Variants in PCNX2 observed in about 807,000 individuals in gnomAD.
PCNX2 encodes the protein pecanex-like protein 2.
PCNX2 carries 168 observed loss-of-function variants against 223.8 expected under a neutral mutation model. The observed-to-expected ratio is 0.75, with a 90% confidence interval of 0.66 to 0.85. PCNX2 has a LOEUF of 0.85. Ranked by LOEUF, PCNX2 falls within the 40% of genes least tolerant of loss-of-function variation. The pLI is 0.00. For missense variants in PCNX2, 2,507 were observed against 2,675.5 expected, an observed-to-expected ratio of 0.94 and a Z score of 1.39; for synonymous variants, 1,006 against 1,052.6, an observed-to-expected ratio of 0.96 and a Z score of 0.86.
chr1:233,296,002 C>CTTTTT (rs61285792), upstream of PCNX2, among the ~76,000 whole-genome samples: 1 of 134,536 alleles, frequency 7.4e-6, no homozygotes, highest in African/African-American at 2.8e-5. Flanking sequence ...TTCTTTCTTT[C>CTTTTT]TTTTTTTTTT....
At position 233,259,361 on chromosome 1, in the gene PCNX2, C is replaced by T. The variant is rs773705985; in HGVS notation, c.518-17G>A. On this transcript the variant is annotated splice_polypyrimidine_tract_variant and intron_variant, in intron 4 of 33. Transcript: ENST00000258229. Reference sequence around the variant, plus strand: ...GAATGACACCTGAAATGACACATGGCAACTTTATTAGCATCAGAAATGAAT... The same window carrying T: ...GAATGACACCTGAAATGACACATGGTAACTTTATTAGCATCAGAAATGAAT... 2.5e-6 allele frequency: 4 copies of T among 1,585,330 alleles called. No homozygotes were observed. In the South Asian group the frequency reaches 3.4e-5, roughly 14 times the overall value.
At chr1:233,283,616 T>C (rs964508116) in intron 1 of PCNX2, among the ~76,000 whole-genome samples, 2 of 152,044 alleles carry the variant, frequency 1.3e-5, no homozygotes, top group Admixed American at 1.3e-4. Flanking sequence ...ATGATAGGAA[T>C]AGATTATACT....
Position 233,262,207 on chromosome 1 carries a change from T to C in PCNX2, c.360-42A>G. The C allele has an allele frequency of 1.9e-6, 3 of 1,609,904 alleles. No individual in the cohort carries two copies. In the South Asian group the frequency reaches 3.3e-5, roughly 18 times the overall value. On this transcript the variant is annotated intron_variant, in intron 2 of 33. Transcript: ENST00000258229. ...AACACAAGAGCAGTGAGCGATATTA[T>C]CAAACAGAAGCATGACTCTTTTAGT...
At chr1:233,294,976 C>T (rs1417173333) in intron 1 of PCNX2, among the ~76,000 whole-genome samples, 1 of 152,112 alleles carries the variant, frequency 6.6e-6, no homozygotes, top group Non-Finnish European at 1.5e-5. Flanking sequence ...GCATTTCACA[C>T]CAAACATTAT....
At chr1:233,138,236 GA>G (rs910602883) in intron 20 of PCNX2, among the ~76,000 whole-genome samples, 1 of 151,990 alleles carries the variant, frequency 6.6e-6, no homozygotes, top group Non-Finnish European at 1.5e-5. Flanking sequence ...TTAGTGTCTG[GA>G]AAAAAATTAC....
chr1:233,176,887 C>T (rs937576652), intron 17 of PCNX2, among the ~76,000 whole-genome samples: 7 of 152,118 alleles, frequency 4.6e-5, no homozygotes, highest in African/African-American at 1.4e-4. Context: ...TGGTGGCGGG[C>T]ACCTGTAGTC....
chr1:233,041,184 A>G (rs1671632197), intron 25 of PCNX2, among the ~76,000 whole-genome samples: 1 of 151,222 alleles, frequency 6.6e-6, no homozygotes, highest in Admixed American at 6.6e-5. Context: ...CTACATCCAC[A>G]ATGTTGAATG....
intron 23 of PCNX2, chr1:233,086,948 A>G (rs143815243): frequency 1.2e-6 from 1 of 848,320 alleles, no homozygotes; most frequent in East Asian, 1.2e-4. Context: ...TCCTAGAGCT[A>G]TGTGTGGGCA....
intron 21 of PCNX2, among the ~76,000 whole-genome samples, chr1:233,114,856 G>A (rs59268203): frequency 0.13 from 20,316 of 152,090 alleles, 1,463 homozygotes; most frequent in East Asian, 0.21. Context: ...CAGGCACCAC[G>A]GTCTTAGGGA....
At chr1:233,170,327 A>AT (rs921098066) in intron 17 of PCNX2, among the ~76,000 whole-genome samples, 2 of 151,954 alleles carry the variant, frequency 1.3e-5, no homozygotes, top group African/African-American at 2.4e-5. Context: ...AGAACTTTAC[A>AT]TTTTTTTTAG....
At chr1:232,994,348 G>A (rs1439651056) in intron 32 of PCNX2, among the ~76,000 whole-genome samples, 1 of 152,250 alleles carries the variant, frequency 6.6e-6, no homozygotes, top group African/African-American at 2.4e-5. Context: ...TGACCAGCTG[G>A]GTGTTGGACT....
At chr1:233,293,359 A>G (rs566389513) in intron 1 of PCNX2, among the ~76,000 whole-genome samples, 49 of 152,364 alleles carry the variant, frequency 3.2e-4, no homozygotes, top group African/African-American at 1.2e-3. Context: ...TTAATTATAT[A>G]TGAGATCAGT....
At chr1:233,242,399 C>A (rs6424176) in intron 8 of PCNX2, among the ~76,000 whole-genome samples, 9,493 of 152,198 alleles carry the variant, frequency 0.062, 882 homozygotes, top group African/African-American at 0.2. Flanking sequence ...ATTCAGTAGA[C>A]TACCATGCCT....
intron 23 of PCNX2, among the ~76,000 whole-genome samples, chr1:233,071,621 T>G (rs1425413471): frequency 1.3e-5 from 2 of 152,228 alleles, no homozygotes; most frequent in Non-Finnish European, 2.9e-5. Flanking sequence ...CATGCATGTG[T>G]CTTTAGGACA....
In PCNX2 at chr1:233,173,417, C is replaced by G. The variant is rs9887945; in HGVS notation, c.3273+4385G>C. On this transcript the variant is annotated intron_variant, in intron 17 of 33. Transcript: ENST00000258229. The stretch of plus-strand genomic sequence containing the variant: ...CTGACCTCAGGTGATCCACCCGCCT[C>G]GGCCTCCGAAAGTGCTGGCATTATA... Among the ~76,000 whole-genome samples, 623 of 152,266 alleles carry G rather than the reference C, an allele frequency of 4.1e-3. 3 individuals carry two copies. Among genetic ancestry groups the G allele is most frequent in the African/African-American group, 0.014 (581 of 41,540 alleles).
intron 28 of PCNX2, among the ~76,000 whole-genome samples, chr1:233,004,810 C>T (rs1203849381): frequency 2.0e-5 from 3 of 152,148 alleles, no homozygotes; most frequent in South Asian, 4.1e-4. Flanking sequence ...AGAAAGAGGC[C>T]GCTGAGGCTT....
At chr1:233,289,385 G>A in intron 1 of PCNX2, 2 of 1,341,562 alleles carry the variant, frequency 1.5e-6, no homozygotes, top group Non-Finnish European at 2.1e-6. Flanking sequence ...GGGAGATGCG[G>A]GACTCGAACT....
the PCNX2 span, among the ~76,000 whole-genome samples, chr1:233,315,462 T>G: frequency 6.6e-6 from 1 of 152,144 alleles, no homozygotes; most frequent in East Asian, 1.9e-4. Flanking sequence ...CTTAAAGGGG[T>G]ATGTTAATAT....
the PCNX2 span, among the ~76,000 whole-genome samples, chr1:233,301,849 T>C: frequency 1.4e-5 from 2 of 144,320 alleles, no homozygotes; most frequent in Admixed American, 1.4e-4. Flanking sequence ...CAGAATGCAG[T>C]GGTGCAATCT....
Sources: allele counts gnomAD v4.1 joint callset (sites outside exome capture counted in the v4.1 genomes callset), GRCh38; gene constraint gnomAD v4.1.1; transcripts MANE v1.5; gene names NCBI Gene and HGNC (gene_info 2026-07-23, HGNC 2026-07-21).